COL24A1: variants seen among roughly 807,000 people sequenced by gnomAD.
The protein encoded by COL24A1 is collagen type XXIV alpha 1 chain.
Under a neutral mutation model 253.9 loss-of-function variants are expected in COL24A1, and 224 were observed. The ratio of observed to expected loss-of-function variants is 0.88; its 90% confidence interval spans 0.79 to 0.99. The LOEUF (loss-of-function observed/expected upper bound fraction) is 0.99. COL24A1 is among the 50% of genes least tolerant of loss of function. The pLI is 0.00. For synonymous variants in COL24A1, 685 were observed against 673.7 expected (o/e 1.02, Z -0.26); for missense variants, 2,131 against 2,068.5 (o/e 1.03, Z -0.59).
chr1:85,747,310 C>T (rs943857430), intron 55 of COL24A1, among the ~76,000 whole-genome samples: 7 of 151,712 alleles, frequency 4.6e-5, no homozygotes, highest in African/African-American at 1.5e-4. Flanking sequence ...GATGGAGTTT[C>T]ACCATGTTGG....
chr1:85,754,393 C>T (rs1319696837), intron 55 of COL24A1, among the ~76,000 whole-genome samples: 4 of 78,774 alleles, frequency 5.1e-5, no homozygotes, highest in East Asian at 3.9e-4. Context: ...GTGGTGGGGT[C>T]GGGGGAGGGG....
At chr1:85,889,539 A>T (rs1466794674) in intron 32 of COL24A1, 21 bp downstream of exon 32, 2 of 1,599,328 alleles carry the variant, frequency 1.3e-6, no homozygotes, top group Non-Finnish European at 1.7e-6. Flanking sequence ...CACAATTAGA[A>T]AAGTATAAAG....
At chr1:85,789,838 C>T (rs375736568) in intron 47 of COL24A1, among the ~76,000 whole-genome samples, 39 of 151,716 alleles carry the variant, frequency 2.6e-4, no homozygotes, top group African/African-American at 6.8e-4. Flanking sequence ...GTTCTGTTTA[C>T]GTGATGAATT....
intron 28 of COL24A1, among the ~76,000 whole-genome samples, chr1:85,901,643 T>C (rs1399681846): frequency 6.6e-6 from 1 of 151,418 alleles, no homozygotes; most frequent in East Asian, 1.9e-4. Flanking sequence ...AAACCCCATC[T>C]CTACTAAAAA....
chr1:86,070,839 G>C (rs1701824357), intron 7 of COL24A1, among the ~76,000 whole-genome samples: 1 of 151,882 alleles, frequency 6.6e-6, no homozygotes, highest in Non-Finnish European at 1.5e-5. Context: ...GCTAAAGGGA[G>C]TCATTCAATC....
chr1:85,851,218 A>G (rs1677734520), intron 37 of COL24A1, among the ~76,000 whole-genome samples: 1 of 152,070 alleles, frequency 6.6e-6, no homozygotes, highest in Non-Finnish European at 1.5e-5. Context: ...AAGCAGTATC[A>G]TACTTTATGT....
At chr1:86,032,432 A>T (rs1698656760) in intron 13 of COL24A1, among the ~76,000 whole-genome samples, 1 of 152,194 alleles carries the variant, frequency 6.6e-6, no homozygotes, top group Non-Finnish European at 1.5e-5. Context: ...AATTTGTCAT[A>T]TGTAAAGGCA....
Position 86,138,606 on chromosome 1 carries a change from C to T in COL24A1, c.121+7513G>A, listed in dbSNP as rs1650607275. Among the ~76,000 whole-genome samples the T allele has an allele frequency of 1.3e-5, 2 of 152,148 alleles. 1 individual carries two copies. Among genetic ancestry groups the T allele is most frequent in the South Asian group, 4.1e-4 (2 of 4,822 alleles). ...CCATCGAGGTAAGATGTGACTTGCT[C>T]CTCCTGGCCTTCCACCATGATTGTG... is the stretch of plus-strand genomic sequence containing the variant. On this transcript the variant is annotated intron_variant, in intron 2 of 59. Transcript: ENST00000370571.
Position 85,875,321 on chromosome 1 carries a change from C to G in COL24A1, c.3040G>C (p.Gly1014Arg). Residue 1014 changes from glycine to arginine, a missense_variant, in exon 34 of 60, where the codon GGC becomes CGC. By Grantham distance (125) the Gly-to-Arg change is moderately radical. Coordinates refer to ENST00000370571, the MANE Select transcript of COL24A1 (RefSeq NM_152890.7). ...PGEMGMEGPPGTEGESGLQGE... is the reference protein window; with the variant it reads ...PGEMGMEGPPRTEGESGLQGE... ...TGCAGACCAGACTCTCCCTCAGTGC[C>G]TGGAGGTCCCTACAAGAGAATAATT... is the stretch of plus-strand genomic sequence containing the variant. The G allele has an allele frequency of 6.2e-7, 1 of 1,613,592 alleles. No individual in the cohort carries two copies. The highest frequency in any genetic ancestry group is 8.5e-7 in the Non-Finnish European group (1 of 1,179,618).
chr1:85,756,821 A>C (rs1448750737), intron 55 of COL24A1, among the ~76,000 whole-genome samples: 1 of 152,244 alleles, frequency 6.6e-6, no homozygotes, highest in Non-Finnish European at 1.5e-5. Context: ...GTAAGTGTCC[A>C]TTTGGATAAA....
At chr1:85,966,865 T>A (rs1691615695) in intron 22 of COL24A1, among the ~76,000 whole-genome samples, 1 of 152,016 alleles carries the variant, frequency 6.6e-6, no homozygotes, top group Admixed American at 6.6e-5. Context: ...TTTTGAGGAA[T>A]TTTACTGAAA....
chr1:86,016,197 A>C (rs915074577), intron 19 of COL24A1, among the ~76,000 whole-genome samples: 8 of 151,954 alleles, frequency 5.3e-5, no homozygotes, highest in African/African-American at 1.9e-4. Context: ...TCAATACCCA[A>C]TGTGTTTTGA....
At chr1:85,738,108 TAAG>T (rs1343163891) in intron 57 of COL24A1, among the ~76,000 whole-genome samples, 5 of 152,174 alleles carry the variant, frequency 3.3e-5, no homozygotes, top group African/African-American at 9.7e-5. Flanking sequence ...ATTCTACAGA[TAAG>T]AAGATGTGCT....
intron 25 of COL24A1, among the ~76,000 whole-genome samples, chr1:85,911,143 CTG>C (rs1027121039): frequency 3.3e-5 from 5 of 151,942 alleles, no homozygotes; most frequent in Non-Finnish European, 1.5e-5. Flanking sequence ...GAAATCTAGA[CTG>C]TTCCATCTTT....
At chr1:86,039,959 C>G (rs1164591699) in intron 12 of COL24A1, among the ~76,000 whole-genome samples, 1 of 152,158 alleles carries the variant, frequency 6.6e-6, no homozygotes, top group African/African-American at 2.4e-5. Context: ...TAATTCTAAA[C>G]TTCATCAGAA....
At chr1:85,946,704 T>C (rs1194639987) in intron 24 of COL24A1, among the ~76,000 whole-genome samples, 1 of 152,202 alleles carries the variant, frequency 6.6e-6, no homozygotes, top group Non-Finnish European at 1.5e-5. Flanking sequence ...AGGATCAGAA[T>C]TCAAATATAT....
intron 57 of COL24A1, among the ~76,000 whole-genome samples, chr1:85,741,274 C>T (rs1248728589): frequency 6.6e-6 from 1 of 152,166 alleles, no homozygotes; most frequent in Non-Finnish European, 1.5e-5. Context: ...GGTGTTGTGT[C>T]AACTTGTGTG....
At chr1:85,892,316 A>T (rs1683218834) in intron 31 of COL24A1, among the ~76,000 whole-genome samples, 1 of 152,064 alleles carries the variant, frequency 6.6e-6, no homozygotes, top group South Asian at 2.1e-4. Context: ...TATAGTGCTG[A>T]ATGAAAACAA....
intron 47 of COL24A1, among the ~76,000 whole-genome samples, chr1:85,799,528 TCTC>T (rs2101766288): frequency 1.3e-5 from 2 of 152,258 alleles, no homozygotes; most frequent in South Asian, 4.1e-4. Context: ...GAGAAATACT[TCTC>T]TTAGAAATCA....
Sources: allele counts gnomAD v4.1 joint callset (sites outside exome capture counted in the v4.1 genomes callset), GRCh38; gene constraint gnomAD v4.1.1; transcripts MANE v1.5; gene names NCBI Gene and HGNC (gene_info 2026-07-23, HGNC 2026-07-21).